Variants in CTNND2 observed in about 807,000 individuals in gnomAD.
The protein encoded by CTNND2 is catenin delta 2.
In CTNND2, 22 loss-of-function variants were observed where a neutral mutation model predicts 144.4. The observed-to-expected ratio is 0.15, with a 90% CI of 0.11 to 0.22. CTNND2 has a LOEUF of 0.22. Among genes scored for constraint, CTNND2 ranks in the 10% least tolerant of loss-of-function variants. The pLI, the probability that CTNND2 is intolerant of heterozygous loss-of-function variation, is 1.00. For missense variants in CTNND2, 1,353 were observed against 1,618.8 expected (o/e 0.84, Z 2.82); for synonymous variants, 751 against 695.6 (o/e 1.08, Z -1.25).
At chr5:11,828,049 C>T (rs1465861365) in intron 1 of CTNND2, among the ~76,000 whole-genome samples, 2 of 152,112 alleles carry the variant, frequency 1.3e-5, no homozygotes, top group Non-Finnish European at 2.9e-5. Flanking sequence ...CTACCAAGAG[C>T]CCAGACCAGC....
chr5:11,852,629 A>G (rs750940714), intron 1 of CTNND2, among the ~76,000 whole-genome samples: 1 of 152,236 alleles, frequency 6.6e-6, no homozygotes, highest in Non-Finnish European at 1.5e-5. Context: ...AAGATACTGT[A>G]TACTTACATT....
intron 2 of CTNND2, 91 bp downstream of exon 2, chr5:11,732,045 T>C (rs907643346): frequency 2.3e-6 from 3 of 1,305,460 alleles, no homozygotes; most frequent in Non-Finnish European, 3.2e-6. Context: ...TATGAGTTTC[T>C]TTTAACATAA....
chr5:11,560,996 A>T (rs998078987), intron 3 of CTNND2, among the ~76,000 whole-genome samples: 2 of 152,166 alleles, frequency 1.3e-5, no homozygotes, highest in Non-Finnish European at 1.5e-5. Context: ...AAGGGCAGGT[A>T]CTCAGGCAGG....
chr5:11,854,716 A>C (rs759094364), intron 1 of CTNND2, among the ~76,000 whole-genome samples: 1 of 152,226 alleles, frequency 6.6e-6, no homozygotes, highest in Non-Finnish European at 1.5e-5. Flanking sequence ...AGTAAAATCA[A>C]CACTGAACTA....
Position 11,237,113 on chromosome 5 carries a change from G to A in CTNND2, c.1629-290C>T, listed in dbSNP as rs191097672. On this transcript the variant is annotated intron_variant, in intron 9 of 21. Coordinates refer to ENST00000304623, the MANE Select transcript of CTNND2 (RefSeq NM_001332.4). Reference sequence around the variant, plus strand: ...CAGCTCACTGCAAGCTCCGCCTCCCGGGTTCACGCCATTCTCCTGCCACAG... The same window carrying A: ...CAGCTCACTGCAAGCTCCGCCTCCCAGGTTCACGCCATTCTCCTGCCACAG... Among the ~76,000 whole-genome samples the A allele has an allele frequency of 0.015, 2,244 of 151,370 alleles. 53 individuals are homozygous for A. The highest frequency in any genetic ancestry group is 0.051 in the African/African-American group (2,122 of 41,254).
intron 1 of CTNND2, among the ~76,000 whole-genome samples, chr5:11,760,147 C>T (rs961573729): frequency 6.6e-6 from 1 of 151,284 alleles, no homozygotes; most frequent in Non-Finnish European, 1.5e-5. Context: ...CTAAAGCATA[C>T]ATTTTGGTTA....
At position 11,403,774 on chromosome 5, in the gene CTNND2, A is replaced by C. The variant is rs144536283; in HGVS notation, c.440-6571T>G. On this transcript the variant is annotated intron_variant, in intron 5 of 21. Coordinates refer to ENST00000304623, the MANE Select transcript of CTNND2 (RefSeq NM_001332.4). Reference sequence around the variant, plus strand: ...ATACAAATTGGTTTTGAAGAAAATAAAATTTAAAAGTGAAACTCAGAAAAC... The same window carrying C: ...ATACAAATTGGTTTTGAAGAAAATACAATTTAAAAGTGAAACTCAGAAAAC... Among the ~76,000 whole-genome samples the C allele has an allele frequency of 3.2e-4, 48 of 152,360 alleles. No individual in the cohort carries two copies. The East Asian group carries it at 7.1e-3, about 23-fold the overall frequency.
At chr5:11,192,696 A>G (rs1162444789) in intron 11 of CTNND2, among the ~76,000 whole-genome samples, 1 of 152,190 alleles carries the variant, frequency 6.6e-6, no homozygotes, top group African/African-American at 2.4e-5. Context: ...AGGCGAGGAA[A>G]TGGACTGTCC....
At chr5:11,820,510 T>C (rs1183285359) in intron 1 of CTNND2, among the ~76,000 whole-genome samples, 1 of 152,224 alleles carries the variant, frequency 6.6e-6, no homozygotes, top group Non-Finnish European at 1.5e-5. Flanking sequence ...GTTAACTCTA[T>C]GGTGAATTAG....
At chr5:11,128,299 C>T (rs1561348544) in intron 12 of CTNND2, among the ~76,000 whole-genome samples, 1 of 152,114 alleles carries the variant, frequency 6.6e-6, no homozygotes, top group Middle Eastern at 3.4e-3. Context: ...CTGGCCACCA[C>T]CAAGCAAGTG....
intron 2 of CTNND2, among the ~76,000 whole-genome samples, chr5:11,684,800 G>A (rs745677650): frequency 6.6e-6 from 1 of 152,148 alleles, no homozygotes; most frequent in African/African-American, 2.4e-5. Flanking sequence ...TGTACTACTC[G>A]AGGATTTTAT....
chr5:11,694,146 T>A (rs1029248304), intron 2 of CTNND2, among the ~76,000 whole-genome samples: 1 of 151,828 alleles, frequency 6.6e-6, no homozygotes, highest in African/African-American at 2.4e-5. Flanking sequence ...GGAAAAAACA[T>A]GAAAATGGGC....
At chr5:11,884,842 C>G (rs1436856953) in intron 1 of CTNND2, among the ~76,000 whole-genome samples, 1 of 152,166 alleles carries the variant, frequency 6.6e-6, no homozygotes, top group Non-Finnish European at 1.5e-5. Context: ...CCTTCTATAA[C>G]TAATTTGTTG....
At chr5:11,516,707 G>T (rs1772193466) in intron 3 of CTNND2, among the ~76,000 whole-genome samples, 1 of 152,094 alleles carries the variant, frequency 6.6e-6, no homozygotes, top group South Asian at 2.1e-4. Context: ...CATGTTCATG[G>T]ACAAGAAAAG....
chr5:11,336,477 T>C (rs958450362), intron 9 of CTNND2, among the ~76,000 whole-genome samples: 1 of 152,202 alleles, frequency 6.6e-6, no homozygotes, highest in African/African-American at 2.4e-5. Context: ...AGTCTGTGAA[T>C]TTATACTTTT....
At chr5:11,504,826 T>C (rs1376098734) in intron 3 of CTNND2, among the ~76,000 whole-genome samples, 1 of 152,112 alleles carries the variant, frequency 6.6e-6, no homozygotes, top group Non-Finnish European at 1.5e-5. Context: ...TACTACCGAG[T>C]GCAGCTTTAG....
At chr5:11,794,362 T>C (rs1401179862) in intron 1 of CTNND2, among the ~76,000 whole-genome samples, 6 of 152,326 alleles carry the variant, frequency 3.9e-5, no homozygotes, top group African/African-American at 1.2e-4. Context: ...TGTATCAACG[T>C]GAAACACAAT....
chr5:11,758,158 T>C (rs1356660853), intron 1 of CTNND2, among the ~76,000 whole-genome samples: 1 of 151,940 alleles, frequency 6.6e-6, no homozygotes, highest in Non-Finnish European at 1.5e-5. Context: ...GGTAATTACT[T>C]CTGAAATCCT....
chr5:11,068,323 AC>A (rs1747841794), intron 16 of CTNND2, among the ~76,000 whole-genome samples: 1 of 152,164 alleles, frequency 6.6e-6, no homozygotes, highest in Non-Finnish European at 1.5e-5. Flanking sequence ...AGGTGATTCC[AC>A]CGTGCATCCA....
Sources: allele counts gnomAD v4.1 joint callset (sites outside exome capture counted in the v4.1 genomes callset), GRCh38; gene constraint gnomAD v4.1.1; transcripts MANE v1.5; gene names NCBI Gene and HGNC (gene_info 2026-07-23, HGNC 2026-07-21).